Variants in TENM3 observed in about 807,000 individuals in gnomAD.
TENM3 encodes teneurin-3.
In TENM3, 63 loss-of-function variants were observed where a neutral mutation model predicts 255.1. That is an observed-to-expected ratio of 0.25 (90% confidence interval 0.20 to 0.30). The LOEUF is 0.30. Ranked by LOEUF, TENM3 falls within the 10% of genes least tolerant of loss-of-function variation. TENM3 has a pLI of 1.00. For missense variants in TENM3, 2,929 were observed against 3,461.1 expected (o/e 0.85, Z 3.86); for synonymous variants, 1,306 against 1,322.3 (o/e 0.99, Z 0.27).
chr4:181,890,522 C>T, the TENM3 span, among the ~76,000 whole-genome samples: 1 of 151,970 alleles, frequency 6.6e-6, no homozygotes, highest in South Asian at 2.1e-4. Flanking sequence ...AATTATGCTA[C>T]TATTAAAAGG....
At chr4:181,879,537 T>C in the TENM3 span, among the ~76,000 whole-genome samples, 1 of 152,236 alleles carries the variant, frequency 6.6e-6, no homozygotes, top group African/African-American at 2.4e-5. Flanking sequence ...GCCCGGCTAC[T>C]GACACTGCTC....
At chr4:181,950,445 C>A in the TENM3 span, among the ~76,000 whole-genome samples, 4 of 152,152 alleles carry the variant, frequency 2.6e-5, no homozygotes, top group African/African-American at 9.7e-5. Flanking sequence ...ATTCCCCCGG[C>A]CTTTTCCTGC....
At chr4:181,632,404 A>G in the TENM3 span, among the ~76,000 whole-genome samples, 9 of 152,176 alleles carry the variant, frequency 5.9e-5, no homozygotes, top group Non-Finnish European at 1.2e-4. Context: ...ACAGAGCCAA[A>G]CCATATCATG....
chr4:182,680,833 T>C, intron 10 of TENM3, 96 bp downstream of exon 10: 1 of 961,056 alleles, frequency 1.0e-6, no homozygotes, highest in Non-Finnish European at 1.4e-6. Context: ...TTTTATACGC[T>C]TCCTTTTGAA....
chr4:181,619,887 C>A, the TENM3 span, among the ~76,000 whole-genome samples: 2 of 152,204 alleles, frequency 1.3e-5, no homozygotes, highest in Non-Finnish European at 2.9e-5. Context: ...CAGCCGTATT[C>A]ATTGTGTGGC....
At chr4:182,424,770 T>C (rs772017515) in intron 3 of TENM3, among the ~76,000 whole-genome samples, 3 of 152,210 alleles carry the variant, frequency 2.0e-5, no homozygotes, top group Non-Finnish European at 4.4e-5. Context: ...TATTTTATGA[T>C]TGTTTTAAAG....
chr4:182,078,661 CTG>C, the TENM3 span, among the ~76,000 whole-genome samples: 3 of 152,154 alleles, frequency 2.0e-5, no homozygotes, highest in African/African-American at 7.2e-5. Context: ...TGGGGAGGAA[CTG>C]TGTCAGTGTG....
chr4:181,952,817 G>A, the TENM3 span, among the ~76,000 whole-genome samples: 1 of 152,208 alleles, frequency 6.6e-6, no homozygotes, highest in African/African-American at 2.4e-5. Context: ...GCGCTGGGGG[G>A]CCAAGGGGCG....
At chr4:182,007,304 T>C in the TENM3 span, among the ~76,000 whole-genome samples, 1 of 152,110 alleles carries the variant, frequency 6.6e-6, no homozygotes, top group Non-Finnish European at 1.5e-5. Context: ...GTCTCGCTGA[T>C]CTAATACTGA....
At chr4:182,359,794 T>A (rs1765832287) in intron 3 of TENM3, among the ~76,000 whole-genome samples, 2 of 152,142 alleles carry the variant, frequency 1.3e-5, no homozygotes, top group African/African-American at 4.8e-5. Context: ...ACTTTTCTAG[T>A]TCTTTTAATT....
At chr4:182,574,593 T>G (rs1256691827) in intron 3 of TENM3, among the ~76,000 whole-genome samples, 1 of 152,156 alleles carries the variant, frequency 6.6e-6, no homozygotes, top group Non-Finnish European at 1.5e-5. Flanking sequence ...CATTAAAATG[T>G]ATTATTTTGG....
At chr4:182,524,728 CAA>C (rs1738966856) in intron 3 of TENM3, among the ~76,000 whole-genome samples, 1 of 149,736 alleles carries the variant, frequency 6.7e-6, no homozygotes, top group Non-Finnish European at 1.5e-5. Context: ...CTTTTTAAGA[CAA>C]GAGGGGGCCA....
At chr4:181,936,767 T>C in the TENM3 span, among the ~76,000 whole-genome samples, 134 of 151,802 alleles carry the variant, frequency 8.8e-4, 1 homozygote, top group Non-Finnish European at 9.6e-4. Flanking sequence ...AAGACCTCCC[T>C]GAGGAAGTGA....
chr4:182,354,664 G>A (rs13149566), intron 3 of TENM3, among the ~76,000 whole-genome samples: 69,821 of 152,036 alleles, frequency 0.46, 16,797 homozygotes, highest in East Asian at 0.82. Flanking sequence ...ACTAACTTCA[G>A]TATATTGAAA....
chr4:182,103,939 T>C, the TENM3 span, among the ~76,000 whole-genome samples: 53,790 of 152,124 alleles, frequency 0.35, 10,543 homozygotes, highest in East Asian at 0.53. Context: ...TATTGCACTC[T>C]GCATCCTTCC....
rs577019194 is a variant in TENM3 at position 182,600,229 on chromosome 4, T to C, written c.512-695T>C. Among the ~76,000 whole-genome samples, 344 of 152,336 alleles carry C rather than the reference T, an allele frequency of 2.3e-3. 3 individuals carry two copies. Among genetic ancestry groups the C allele is most frequent in the African/African-American group, 8.0e-3 (334 of 41,582 alleles). ...GAAATTGGAAAATCTGTTCTGTGTG[T>C]GTTCTAATGGATGTGACGGTCATTA... On this transcript the variant is annotated intron_variant, in intron 3 of 27. Coordinates refer to ENST00000511685, the MANE Select transcript of TENM3 (RefSeq NM_001080477.4).
the TENM3 span, among the ~76,000 whole-genome samples, chr4:182,017,242 G>A: frequency 2.6e-5 from 4 of 152,204 alleles, no homozygotes; most frequent in Non-Finnish European, 5.9e-5. Flanking sequence ...GCCACACGCC[G>A]TGCTTCGCCC....
the TENM3 span, among the ~76,000 whole-genome samples, chr4:181,647,572 C>T: frequency 1.3e-5 from 2 of 151,998 alleles, no homozygotes; most frequent in African/African-American, 4.8e-5. Flanking sequence ...ATTTCACAAA[C>T]GAAACAGCCG....
At chr4:182,283,309 G>A (rs1290276026) in intron 1 of TENM3, among the ~76,000 whole-genome samples, 1 of 151,974 alleles carries the variant, frequency 6.6e-6, no homozygotes, top group Non-Finnish European at 1.5e-5. Context: ...TAATAAAAAC[G>A]GGGGCCTTTG....
Sources: gnomAD v4.1 joint callset for allele counts (sites outside exome capture counted in the v4.1 genomes callset) on GRCh38, gnomAD v4.1.1 for gene constraint, MANE v1.5 for transcripts, NCBI Gene and HGNC (gene_info 2026-07-23, HGNC 2026-07-21) for gene names.